The following RGS6 variants were observed in gnomAD, a reference collection of about 807,000 sequenced individuals.
RGS6 encodes regulator of G-protein signaling 6.
Under a neutral mutation model 78.5 loss-of-function variants are expected in RGS6, and 30 were observed. That is an observed-to-expected ratio of 0.38 (90% CI 0.29 to 0.52). The LOEUF (loss-of-function observed/expected upper bound fraction) is 0.52. Among genes scored for constraint, RGS6 ranks in the 20% least tolerant of loss-of-function variants. The pLI, the probability that RGS6 is intolerant of heterozygous loss-of-function variation, is 0.85. For missense variants in RGS6, 495 were observed against 609.7 expected (o/e 0.81, Z 1.98); for synonymous variants, 206 against 206.0 (o/e 1.00, Z 0.00).
At chr14:71,878,084 G>A in the RGS6 span, among the ~76,000 whole-genome samples, 1 of 152,142 alleles carries the variant, frequency 6.6e-6, no homozygotes, top group Non-Finnish European at 1.5e-5. Flanking sequence ...GGTGTCAGTC[G>A]GCCCCTACTG....
chr14:72,458,199 G>T, intron 4 of RGS6, 72 bp from the exon 5 acceptor site: 1 of 1,157,112 alleles, frequency 8.6e-7, no homozygotes. Flanking sequence ...TTGACTTCTG[G>T]TCTCCCAGCT....
At chr14:72,085,966 A>G (rs1426366357) in intron 2 of RGS6, among the ~76,000 whole-genome samples, 1 of 151,860 alleles carries the variant, frequency 6.6e-6, no homozygotes, top group East Asian at 1.9e-4. Flanking sequence ...AATGAGAAAA[A>G]GTTGCCTTCC....
chr14:72,464,014 G>A (rs1393939690), intron 6 of RGS6, among the ~76,000 whole-genome samples: 1 of 152,214 alleles, frequency 6.6e-6, no homozygotes, highest in African/African-American at 2.4e-5. Flanking sequence ...GGACCAAAGT[G>A]TTCTCTTTGA....
intron 2 of RGS6, among the ~76,000 whole-genome samples, chr14:72,280,268 G>C (rs563756644): frequency 1.3e-5 from 2 of 152,022 alleles, no homozygotes; most frequent in Admixed American, 1.3e-4. Context: ...AAAGTGAATA[G>C]GTTTTTAAAA....
intron 3 of RGS6, among the ~76,000 whole-genome samples, chr14:72,375,707 C>T (rs545277505): frequency 2.0e-5 from 3 of 152,158 alleles, no homozygotes; most frequent in South Asian, 4.1e-4. Flanking sequence ...GCACCGCTAC[C>T]AGCACAAACT....
intron 2 of RGS6, among the ~76,000 whole-genome samples, chr14:72,205,761 CAA>C (rs1464003776): frequency 6.6e-6 from 1 of 152,120 alleles, no homozygotes; most frequent in African/African-American, 2.4e-5. Flanking sequence ...CAGAAAAAAA[CAA>C]AAATTATTAC....
At chr14:72,046,624 C>T (rs953236869) in intron 2 of RGS6, among the ~76,000 whole-genome samples, 6 of 151,632 alleles carry the variant, frequency 4.0e-5, no homozygotes, top group African/African-American at 7.3e-5. Context: ...TTTCCTCTTC[C>T]TCCTCCCCCA....
At chr14:72,153,208 C>A (rs1373417206) in intron 2 of RGS6, among the ~76,000 whole-genome samples, 1 of 152,206 alleles carries the variant, frequency 6.6e-6, no homozygotes, top group Non-Finnish European at 1.5e-5. Context: ...CTCCCTGAAC[C>A]AGCCTTTGAG....
rs547470974 is a variant in RGS6 at position 72,106,160 on chromosome 14, G to T, written c.84+141285G>T. 2.6e-5 allele frequency among the ~76,000 whole-genome samples: 4 copies of T among 152,284 alleles called. No individual in the cohort carries two copies. In the South Asian group the frequency reaches 6.2e-4, roughly 24 times the overall value. ...GGCAATATTCTCATGATATTGATAA[G>T]AACTTTTTTTCTAAGTTCTGTTGAT... On this transcript the variant is annotated intron_variant, in intron 2 of 17. Transcript: ENST00000553525.
chr14:72,021,159 T>G (rs867951700), intron 2 of RGS6, among the ~76,000 whole-genome samples: 1 of 152,308 alleles, frequency 6.6e-6, no homozygotes, highest in Middle Eastern at 3.4e-3. Context: ...ACTTTTCTTT[T>G]CTAATGGCCA....
intron 2 of RGS6, among the ~76,000 whole-genome samples, chr14:72,010,863 C>T (rs1183413118): frequency 6.6e-6 from 1 of 152,068 alleles, no homozygotes; most frequent in African/African-American, 2.4e-5. Context: ...TTTCCTGTTC[C>T]TGGATTACAA....
intron 3 of RGS6, among the ~76,000 whole-genome samples, chr14:72,358,035 C>T (rs1317091052): frequency 1.3e-5 from 2 of 152,200 alleles, no homozygotes; most frequent in African/African-American, 2.4e-5. Context: ...GGTCAAGGTA[C>T]AGCTCGGGCC....
intron 2 of RGS6, among the ~76,000 whole-genome samples, chr14:72,111,784 C>T (rs2095769163): frequency 2.0e-5 from 3 of 152,166 alleles, no homozygotes; most frequent in African/African-American, 7.2e-5. Flanking sequence ...CCATTCAGTG[C>T]GCACTCAAAA....
intron 2 of RGS6, among the ~76,000 whole-genome samples, chr14:72,070,385 G>A (rs1318567388): frequency 6.6e-6 from 1 of 152,152 alleles, no homozygotes; most frequent in African/African-American, 2.4e-5. Context: ...TCTAAGAGCT[G>A]TATGAACTCG....
chr14:72,515,164 T>C (rs1048519677), intron 14 of RGS6, among the ~76,000 whole-genome samples: 1 of 152,106 alleles, frequency 6.6e-6, no homozygotes, highest in Non-Finnish European at 1.5e-5. Flanking sequence ...GTCCCCAGTG[T>C]GTGCAGGGAG....
chr14:72,171,358 G>A (rs77617686), intron 2 of RGS6, among the ~76,000 whole-genome samples: 119 of 152,148 alleles, frequency 7.8e-4, no homozygotes, highest in African/African-American at 2.7e-3. Context: ...AATTCAAGTG[G>A]AAGAACGTCA....
chr14:72,165,284 G>A (rs976982357), intron 2 of RGS6, among the ~76,000 whole-genome samples: 2 of 152,196 alleles, frequency 1.3e-5, no homozygotes, highest in Admixed American at 6.5e-5. Context: ...AAGAATCTCC[G>A]GAGAACATCT....
At chr14:72,339,018 T>C (rs1011874094) in intron 2 of RGS6, among the ~76,000 whole-genome samples, 1 of 152,220 alleles carries the variant, frequency 6.6e-6, no homozygotes, top group South Asian at 2.1e-4. Flanking sequence ...TATTATCCTT[T>C]AGAATTGATA....
At chr14:72,129,144 G>A (rs7141268) in intron 2 of RGS6, among the ~76,000 whole-genome samples, 121,565 of 152,122 alleles carry the variant, frequency 0.8, 48,915 homozygotes, top group Middle Eastern at 0.84. Context: ...AGAAAACTGC[G>A]TGGAGAAGGG....
Sources: gnomAD v4.1 joint callset for allele counts (sites outside exome capture counted in the v4.1 genomes callset) on GRCh38, gnomAD v4.1.1 for gene constraint, MANE v1.5 for transcripts, NCBI Gene and HGNC (gene_info 2026-07-23, HGNC 2026-07-21) for gene names.